The following SFMBT2 variants were observed in gnomAD, a reference collection of about 807,000 sequenced individuals.
SFMBT2 encodes Scm like with four mbt domains 2.
In SFMBT2, 38 loss-of-function variants were observed where a neutral mutation model predicts 110.1. That is an observed-to-expected ratio of 0.35 (90% CI 0.27 to 0.45). SFMBT2 has a LOEUF of 0.45. Ranked by LOEUF, SFMBT2 falls within the 20% of genes least tolerant of loss-of-function variation. SFMBT2 has a pLI of 1.00. For missense variants in SFMBT2, 1,011 were observed against 1,094.9 expected, an observed-to-expected ratio of 0.92 and a Z score of 1.08; for synonymous variants, 425 against 425.4, an observed-to-expected ratio of 1.00 and a Z score of 0.01.
intron 6 of SFMBT2, among the ~76,000 whole-genome samples, chr10:7,282,761 T>C (rs1235149249): frequency 6.6e-6 from 1 of 152,222 alleles, no homozygotes; most frequent in Non-Finnish European, 1.5e-5. Context: ...CTCTCCTTCA[T>C]GTACTCAACA....
intron 4 of SFMBT2, among the ~76,000 whole-genome samples, chr10:7,340,655 CA>C (rs776262305): frequency 0.013 from 1,152 of 86,790 alleles, 9 homozygotes; most frequent in African/African-American, 0.039. Context: ...GAACCTATCT[CA>C]AAAAAAAAAA....
At chr10:7,320,518 T>C (rs895423557) in intron 4 of SFMBT2, 1 of 840,708 alleles carries the variant, frequency 1.2e-6, no homozygotes, top group Non-Finnish European at 1.4e-6. Flanking sequence ...CACTGGAGTA[T>C]TTTCTTATGA....
At chr10:7,276,096 G>A (rs978389686) in intron 7 of SFMBT2, among the ~76,000 whole-genome samples, 2 of 152,176 alleles carry the variant, frequency 1.3e-5, no homozygotes, top group Non-Finnish European at 1.5e-5. Context: ...TCTATTTCAC[G>A]TAAGTGTGAA....
intron 10 of SFMBT2, among the ~76,000 whole-genome samples, chr10:7,224,156 T>C (rs1185114636): frequency 6.6e-6 from 1 of 152,236 alleles, no homozygotes; most frequent in Non-Finnish European, 1.5e-5. Context: ...AATGTTATGT[T>C]GTGGCGACTC....
intron 1 of SFMBT2, among the ~76,000 whole-genome samples, chr10:7,383,050 T>C (rs1266807143): frequency 1.3e-5 from 2 of 152,194 alleles, no homozygotes; most frequent in African/African-American, 4.8e-5. Context: ...CAATGTTCTA[T>C]GTCACACATA....
intron 14 of SFMBT2, chr10:7,198,012 T>A: frequency 1.0e-6 from 1 of 985,450 alleles, no homozygotes; most frequent in Non-Finnish European, 1.2e-6. Flanking sequence ...ATATCCTTAA[T>A]GATACCTTGG....
intron 15 of SFMBT2, among the ~76,000 whole-genome samples, chr10:7,190,878 G>C (rs1838577836): frequency 1.3e-5 from 2 of 152,204 alleles, no homozygotes; most frequent in Non-Finnish European, 2.9e-5. Flanking sequence ...TGTGTTGTGG[G>C]AGGAACCTTG....
At chr10:7,210,842 C>T (rs530649387) in intron 11 of SFMBT2, among the ~76,000 whole-genome samples, 6 of 150,920 alleles carry the variant, frequency 4.0e-5, no homozygotes, top group African/African-American at 7.3e-5. Context: ...AAACGGTGGG[C>T]GAAACTGGTG....
At chr10:7,252,193 G>A (rs1051787581) in intron 7 of SFMBT2, among the ~76,000 whole-genome samples, 1 of 152,172 alleles carries the variant, frequency 6.6e-6, no homozygotes, top group Non-Finnish European at 1.5e-5. Context: ...CCTCTGGGAA[G>A]CTCTGTCAAT....
rs1837851688 is a variant in SFMBT2 at position 7,170,801 on chromosome 10, C to T, written c.2544+127G>A. 1.8e-6 allele frequency: 2 copies of T among 1,133,320 alleles called. No individual in the cohort carries two copies. Among genetic ancestry groups the T allele is most frequent in the Non-Finnish European group, 2.5e-6 (2 of 789,924 alleles). The allele number at this position is 1,133,320 out of a possible 1,614,324, so 70.2% of individuals were successfully genotyped here. On this transcript the variant is annotated intron_variant, in intron 20 of 20. Coordinates refer to ENST00000397167, the MANE Select transcript of SFMBT2 (RefSeq NM_001387889.1). The surrounding 1 kb of genome is among the most constrained non-coding windows in gnomAD (Gnocchi z 4.6). ...GGGCCTTGGAGGGAGAAGGGTCTCGCACACCTGCCGAGCAGCGCCGAAGAA... is the reference window on the plus strand; with the variant it reads ...GGGCCTTGGAGGGAGAAGGGTCTCGTACACCTGCCGAGCAGCGCCGAAGAA...
intron 1 of SFMBT2, among the ~76,000 whole-genome samples, chr10:7,407,214 C>G (rs1846242560): frequency 6.6e-6 from 1 of 151,800 alleles, no homozygotes; most frequent in African/African-American, 2.4e-5. Context: ...CTCTCCCCTC[C>G]CCCACCCCAC....
intron 4 of SFMBT2, chr10:7,295,053 G>C (rs146009540): frequency 3.3e-5 from 5 of 152,072 alleles, no homozygotes; most frequent in African/African-American, 1.2e-4. Flanking sequence ...CAGAAACACA[G>C]GTCAGTGACA....
chr10:7,220,695 C>G (rs565870977), intron 10 of SFMBT2, among the ~76,000 whole-genome samples, 158 bp from the exon 11 acceptor site: 1 of 152,312 alleles, frequency 6.6e-6, no homozygotes, highest in Non-Finnish European at 1.5e-5. Flanking sequence ...GAAGAAAGAA[C>G]CAGGTGGTCT....
intron 7 of SFMBT2, among the ~76,000 whole-genome samples, chr10:7,255,075 C>G (rs761650129): frequency 6.6e-6 from 1 of 152,166 alleles, no homozygotes; most frequent in Non-Finnish European, 1.5e-5. Context: ...AAAGATGCAG[C>G]TATTCTCATT....
intron 4 of SFMBT2, among the ~76,000 whole-genome samples, chr10:7,299,283 A>G (rs1239242846): frequency 2.0e-5 from 3 of 152,214 alleles, no homozygotes; most frequent in Non-Finnish European, 4.4e-5. Flanking sequence ...ATAAACTATC[A>G]TAAGAGTAAA....
intron 4 of SFMBT2, among the ~76,000 whole-genome samples, chr10:7,335,977 CAAAG>C (rs1258301497): frequency 2.0e-5 from 3 of 152,234 alleles, no homozygotes; most frequent in Non-Finnish European, 4.4e-5. Context: ...GAAAATACCT[CAAAG>C]GAAGGACAAA....
intron 4 of SFMBT2, among the ~76,000 whole-genome samples, chr10:7,338,246 C>T (rs1843776513): frequency 1.3e-5 from 2 of 152,278 alleles, no homozygotes; most frequent in South Asian, 4.2e-4. Flanking sequence ...TTCTGCCATA[C>T]CTCAAAAAAT....
Position 7,367,830 on chromosome 10 carries a change from C to T in SFMBT2, c.255G>A (p.Lys85=). The change falls in exon 4 of 21, where the codon AAG becomes AAA. Residue 85 remains lysine (K), a synonymous_variant. Transcript: ENST00000397167. The surrounding 1 kb of genome is among the most constrained non-coding windows in gnomAD (Gnocchi z 6.2). ...CCACCCAGTACGTGTCCGGGTTGTT[C>T]TTATTAGCCACTTCCAATTTCATTC... ...QPGMKLEVAN[K]NNPDTYWVAT... 1 of 1,614,176 alleles carries T rather than the reference C, an allele frequency of 6.2e-7. No homozygotes were observed. Among genetic ancestry groups the T allele is most frequent in the South Asian group, 1.1e-5 (1 of 91,070 alleles).
intron 7 of SFMBT2, among the ~76,000 whole-genome samples, chr10:7,263,493 T>C (rs1841281943): frequency 6.6e-6 from 1 of 152,148 alleles, no homozygotes; most frequent in Non-Finnish European, 1.5e-5. Context: ...CCACCCGCCT[T>C]GGTTTCCCAA....
Sources: gnomAD v4.1 joint callset for allele counts (sites outside exome capture counted in the v4.1 genomes callset) on GRCh38, gnomAD v4.1.1 for gene constraint, Gnocchi (gnomAD v3.1) non-coding constraint, MANE v1.5 for transcripts, NCBI Gene and HGNC (gene_info 2026-07-23, HGNC 2026-07-21) for gene names.